Variants in SCN10A observed in about 807,000 individuals in gnomAD.
The protein encoded by SCN10A is sodium channel protein type 10 subunit alpha.
A neutral mutation model predicts 170.7 loss-of-function variants in SCN10A; 162 were observed. That is an observed-to-expected ratio of 0.95 (90% CI 0.84 to 1.08). The LOEUF is 1.08. SCN10A is among the 50% of genes least tolerant of loss of function. SCN10A has a pLI of 0.00. For missense variants in SCN10A, 2,527 were observed against 2,436.9 expected (o/e 1.04, Z -0.78); for synonymous variants, 985 against 904.6 (o/e 1.09, Z -1.59).
chr3:38,758,698 C>T (rs562777298), intron 8 of SCN10A, among the ~76,000 whole-genome samples: 5 of 152,310 alleles, frequency 3.3e-5, no homozygotes, highest in Admixed American at 6.5e-5. Context: ...TCACGGCATG[C>T]CCCGGCAGGG....
At chr3:38,782,475 G>A (rs774988933) in intron 4 of SCN10A, among the ~76,000 whole-genome samples, 2 of 151,828 alleles carry the variant, frequency 1.3e-5, no homozygotes, top group African/African-American at 2.4e-5. Flanking sequence ...CTTTCTCTTT[G>A]TTCTTGTATA....
chr3:38,798,081 A>T (rs1183358317), intron 1 of SCN10A, among the ~76,000 whole-genome samples: 3 of 152,198 alleles, frequency 2.0e-5, no homozygotes, highest in African/African-American at 7.2e-5. Flanking sequence ...TTTACATGAC[A>T]TTCTGAGAAA....
At chr3:38,742,878 C>A (rs2063649115) in intron 13 of SCN10A, among the ~76,000 whole-genome samples, 1 of 152,174 alleles carries the variant, frequency 6.6e-6, no homozygotes, top group African/African-American at 2.4e-5. Context: ...CCCTCTCCTC[C>A]TTCATTGTAC....
At chr3:38,725,390 A>G in intron 17 of SCN10A, 76 bp from the exon 18 acceptor site, 1 of 1,411,482 alleles carries the variant, frequency 7.1e-7, no homozygotes, top group African/African-American at 1.4e-5. Flanking sequence ...GGGATCTTGC[A>G]CATCACAGGC....
intron 12 of SCN10A, among the ~76,000 whole-genome samples, chr3:38,751,301 CCT>C (rs2126022602): frequency 6.6e-6 from 1 of 152,314 alleles, no homozygotes; most frequent in East Asian, 1.9e-4. Flanking sequence ...ACAGCTTCCC[CCT>C]GTTACTAGTT....
intron 6 of SCN10A, 26 bp from the exon 7 acceptor site, chr3:38,761,409 C>CTGTAG: frequency 6.3e-7 from 1 of 1,597,586 alleles, no homozygotes; most frequent in Non-Finnish European, 8.6e-7. Context: ...AGTGGTATGA[C>CTGTAG]CACATGGATG....
intron 27 of SCN10A, among the ~76,000 whole-genome samples, chr3:38,699,281 T>A (rs528040799): frequency 9.4e-4 from 143 of 151,696 alleles, no homozygotes; most frequent in African/African-American, 3.3e-3. Context: ...GGGAGTCAGT[T>A]ACTGCCCCCA....
At chr3:38,800,641 C>T (rs1040169638) in intron 1 of SCN10A, among the ~76,000 whole-genome samples, 1 of 150,750 alleles carries the variant, frequency 6.6e-6, no homozygotes, top group Non-Finnish European at 1.5e-5. Flanking sequence ...AACTCTGACT[C>T]CCCAGAGGTT....
chr3:38,770,495 G>A (rs137938197), intron 5 of SCN10A, among the ~76,000 whole-genome samples: 100 of 152,130 alleles, frequency 6.6e-4, no homozygotes, highest in African/African-American at 2.3e-3. Context: ...AATTTTGGCT[G>A]CCTCTGCTGT....
At chr3:38,725,117 C>T (rs1473804413) in intron 18 of SCN10A, 57 bp downstream of exon 18, 104 of 1,487,440 alleles carry the variant, frequency 7.0e-5, no homozygotes, top group Middle Eastern at 2.1e-4. Context: ...CCTCTACCAG[C>T]CCACTGCTCA....
At chr3:38,775,000 C>G (rs1190865769) in intron 4 of SCN10A, among the ~76,000 whole-genome samples, 1 of 152,152 alleles carries the variant, frequency 6.6e-6, no homozygotes, top group East Asian at 1.9e-4. Context: ...GATAGTGATA[C>G]CTTTCCTTGC....
At chr3:38,755,692 C>G in intron 11 of SCN10A, 96 bp downstream of exon 11, 1 of 1,443,408 alleles carries the variant, frequency 6.9e-7, no homozygotes. Flanking sequence ...ATGCCTCCAG[C>G]TCTTTCTCTG....
Position 38,739,658 on chromosome 3 carries a change from C to T in SCN10A, c.2137G>A (p.Val713Ile), listed in dbSNP as rs1490375691. Residue 713 changes from valine (V) to isoleucine (I), a missense_variant, in exon 15 of 28, where the codon GTC (valine) becomes ATC (isoleucine). Coordinates refer to ENST00000449082, the MANE Select transcript of SCN10A (RefSeq NM_006514.4). Reference protein sequence around the residue: ...VFTIFFTAEMVFKIIAFDPYY... With the variant: ...VFTIFFTAEMIFKIIAFDPYY... The stretch of plus-strand genomic sequence containing the variant: ...GGGTCGAAGGCAATGATTTTGAAGA[C>T]CATTTCAGCAGTAAAAAATATGGTA... The T allele has an allele frequency of 1.2e-6, 2 of 1,613,986 alleles. No individual in the cohort carries two copies. Among genetic ancestry groups the T allele is most frequent in the South Asian group, 1.1e-5 (1 of 91,052 alleles).
chr3:38,700,387 G>A (rs1351599686), intron 27 of SCN10A, among the ~76,000 whole-genome samples: 1 of 152,158 alleles, frequency 6.6e-6, no homozygotes. Flanking sequence ...CCTATAGTTA[G>A]CAATACCGTG....
At chr3:38,709,025 G>A (rs1330359097) in intron 25 of SCN10A, among the ~76,000 whole-genome samples, 5 of 152,086 alleles carry the variant, frequency 3.3e-5, no homozygotes, top group African/African-American at 9.7e-5. Flanking sequence ...AATCAGAGTC[G>A]GCACCCTTGG....
At position 38,771,622 on chromosome 3, in the gene SCN10A, G is replaced by A. The variant is rs186364625; in HGVS notation, c.471-215C>T. Among the ~76,000 whole-genome samples the A allele has an allele frequency of 2.6e-3, 401 of 152,362 alleles. 2 individuals are homozygous for A. Among genetic ancestry groups the A allele is most frequent in the African/African-American group, 9.1e-3 (378 of 41,590 alleles). On this transcript the variant is annotated intron_variant, in intron 4 of 27. Transcript: ENST00000449082. The stretch of plus-strand genomic sequence containing the variant: ...GCCACACAAATAGATGGAGTGGGGA[G>A]GGATGTGTGTGGCTGGGACAGCCAG...
At chr3:38,733,604 C>A (rs1324163042) in intron 15 of SCN10A, among the ~76,000 whole-genome samples, 2 of 152,116 alleles carry the variant, frequency 1.3e-5, no homozygotes, top group Non-Finnish European at 2.9e-5. Context: ...CAGCCACGAC[C>A]TCCTGGGCTC....
intron 8 of SCN10A, among the ~76,000 whole-genome samples, chr3:38,760,211 G>A (rs2126031337): frequency 6.6e-6 from 1 of 152,268 alleles, no homozygotes; most frequent in Admixed American, 6.5e-5. Flanking sequence ...CATTGTGTTG[G>A]TTCTAAGCCT....
At chr3:38,797,254 G>T (rs1422873640) in intron 1 of SCN10A, among the ~76,000 whole-genome samples, 1 of 152,048 alleles carries the variant, frequency 6.6e-6, no homozygotes, top group Admixed American at 6.6e-5. Flanking sequence ...ATTGTCACCA[G>T]CCCTAGAGGC....
Sources: gnomAD v4.1 joint callset for allele counts (sites outside exome capture counted in the v4.1 genomes callset) on GRCh38, gnomAD v4.1.1 for gene constraint, MANE v1.5 for transcripts, NCBI Gene and HGNC (gene_info 2026-07-23, HGNC 2026-07-21) for gene names.